The following TLE2 variants were observed in gnomAD, a reference collection of about 807,000 sequenced individuals.
TLE2 encodes transducin-like enhancer protein 2.
In TLE2, 74 loss-of-function variants were observed where a neutral mutation model predicts 97.2. The observed-to-expected ratio is 0.76, with a 90% CI of 0.63 to 0.92. TLE2 has a LOEUF of 0.92. TLE2 is among the 40% of genes least tolerant of loss of function. The pLI, the probability that TLE2 is intolerant of heterozygous loss-of-function variation, is 0.00. For synonymous variants in TLE2, 499 were observed against 432.1 expected, an observed-to-expected ratio of 1.15 and a Z score of -1.92; for missense variants, 1,038 against 1,008.7, an observed-to-expected ratio of 1.03 and a Z score of -0.39.
At position 3,028,360 on chromosome 19, in the gene TLE2, G is replaced by A. The variant is rs2089981200; in HGVS notation, c.145C>T (p.Leu49=). The change falls in exon 3 of 20, where the codon CTG becomes TTG. Residue 49 remains leucine, a synonymous_variant. Coordinates refer to ENST00000262953, the MANE Select transcript of TLE2 (RefSeq NM_003260.5). ...YHSLKLECEK[L]ASEKTEMQRH... ...TGCATTTCCGTCTTCTCGCTGGCCA[G>A]CTTCTCACATTCTAGCTTGAGGCTG... 3.1e-6 allele frequency: 5 copies of A among 1,609,042 alleles called. No individual in the cohort carries two copies. Among genetic ancestry groups the A allele is most frequent in the Non-Finnish European group, 4.2e-6 (5 of 1,177,554 alleles).
intron 18 of TLE2, among the ~76,000 whole-genome samples, chr19:3,001,661 G>A (rs945321606): frequency 4.0e-5 from 6 of 151,862 alleles, no homozygotes; most frequent in Non-Finnish European, 7.4e-5. Flanking sequence ...TTTTTTTGTA[G>A]AGAAAGTCTT....
intron 4 of TLE2, among the ~76,000 whole-genome samples, chr19:3,026,086 T>C (rs2089938263): frequency 6.6e-6 from 1 of 152,068 alleles, no homozygotes; most frequent in African/African-American, 2.4e-5. Context: ...CTCATCCCTT[T>C]AGAAACCACT....
At position 3,005,458 on chromosome 19, in the gene TLE2, C is replaced by T. The variant is rs2089452847; in HGVS notation, c.1875G>A (p.Gln625=). ...GCACCTGGGAGCTGAAGTCATGCTG[C>T]TGCAGCTGGCGGCCCTCCCGCAGGT... ...CWDLREGRQL[Q]QHDFSSQIFS... Residue 625 remains glutamine (Q), a synonymous_variant, in exon 17 of 20, where the codon CAG becomes CAA. Transcript: ENST00000262953. 6.2e-7 allele frequency: 1 copy of T among 1,613,798 alleles called. No homozygotes were observed. Among genetic ancestry groups the T allele is most frequent in the Admixed American group, 1.7e-5 (1 of 59,988 alleles).
chr19:3,030,752 C>CA (rs376304630), upstream of TLE2, among the ~76,000 whole-genome samples: 2,625 of 151,774 alleles, frequency 0.017, 28 homozygotes, highest in Middle Eastern at 0.044. Flanking sequence ...CGCGACAATA[C>CA]AAAAAAACAT....
intron 11 of TLE2, 136 bp from the exon 12 acceptor site, chr19:3,011,296 G>T: frequency 1.0e-6 from 1 of 952,696 alleles, no homozygotes; most frequent in Non-Finnish European, 1.5e-6. Flanking sequence ...GGGAGGCCCA[G>T]TCGGGCGGAT....
intron 11 of TLE2, 80 bp downstream of exon 11, chr19:3,013,589 C>T: frequency 8.0e-7 from 1 of 1,256,452 alleles, no homozygotes. Flanking sequence ...CATCACTGCC[C>T]TCTGCATCAT....
chr19:3,017,917 C>T, intron 7 of TLE2, 58 bp from the exon 8 acceptor site: 2 of 1,565,764 alleles, frequency 1.3e-6, no homozygotes, highest in Non-Finnish European at 1.8e-6. Context: ...GCGTTTGTAT[C>T]CACGGCGCCA....
At chr19:3,006,266 T>C in intron 15 of TLE2, 154 bp downstream of exon 15, 1 of 1,295,754 alleles carries the variant, frequency 7.7e-7, no homozygotes, top group Non-Finnish European at 1.1e-6. Flanking sequence ...CCTGCAAGCC[T>C]TGTCCCATGC....
At chr19:3,033,383 G>A (rs896549498), upstream of TLE2, among the ~76,000 whole-genome samples, 8 of 152,056 alleles carry the variant, frequency 5.3e-5, no homozygotes, top group Non-Finnish European at 8.8e-5. Flanking sequence ...TAGTCAGGAT[G>A]GTCTCAATCT....
intron 11 of TLE2, among the ~76,000 whole-genome samples, chr19:3,011,494 T>C (rs59552044): frequency 8.0e-4 from 116 of 144,906 alleles, no homozygotes; most frequent in African/African-American, 2.7e-3. Flanking sequence ...ATCACGCCAC[T>C]GCACTCCAGC....
Position 3,036,946 on chromosome 19 carries a change from A to G in TLE2, c.64-8143T>C, listed in dbSNP as rs139220911. ...GGCTCAGCCAGGATTTAGCGCCCCC[A>G]TTGGGAAGTTGGGATAGCTTTCTAG... is the stretch of plus-strand genomic sequence containing the variant. On this transcript the variant is annotated intron_variant, in intron 1 of 18. Coordinates refer to the TLE2 transcript ENST00000426948. 9.0e-3 allele frequency among the ~76,000 whole-genome samples: 1,373 copies of G among 152,210 alleles called. 18 individuals carry two copies. Among genetic ancestry groups the G allele is most frequent in the African/African-American group, 0.03 (1,251 of 41,528 alleles).
intron 18 of TLE2, among the ~76,000 whole-genome samples, chr19:3,001,391 AGG>A: frequency 6.6e-6 from 1 of 152,232 alleles, no homozygotes; most frequent in East Asian, 1.9e-4. Flanking sequence ...CTGGGATTAC[AGG>A]TGTGAGCCAC....
At chr19:3,041,014 T>TATATATATATACATATATATATATA (rs55998855) in intron 1 of TLE2, among the ~76,000 whole-genome samples, 1 of 20,168 alleles carries the variant, frequency 5.0e-5, no homozygotes, top group African/African-American at 2.1e-4. Context: ...TATATATATA[T>TATATATATATACATATATATATATA]TTTTTTTTTT....
chr19:3,041,013 A>ATTTTTTTTTTTTTT (rs1168699418), intron 1 of TLE2, among the ~76,000 whole-genome samples: 1 of 28,968 alleles, frequency 3.5e-5, no homozygotes, highest in Non-Finnish European at 5.7e-5. Flanking sequence ...ATATATATAT[A>ATTTTTTTTTTTTTT]TTTTTTTTTT....
At chr19:3,027,999 C>CG in intron 3 of TLE2, 126 bp from the exon 4 acceptor site, 1 of 970,336 alleles carries the variant, frequency 1.0e-6, no homozygotes, top group South Asian at 1.5e-5. Flanking sequence ...CAGAGCCCCC[C>CG]CCAGCTCCAC....
rs2145178704 is a variant in TLE2, at chr19:3,019,184, C to T, written c.550+99G>A. 2.1e-6 allele frequency: 3 copies of T among 1,461,750 alleles called. No individual in the cohort carries two copies. The highest frequency in any genetic ancestry group is 1.8e-6 in the Non-Finnish European group (2 of 1,092,862). 90.5% of individuals were successfully genotyped at this position (1,461,750 alleles called of 1,614,324 possible). ...AATTGTTGGGATTATAGGCATGAGCCACTTCATCCCCTCACGCTGATGTTT... is the reference window on the plus strand; with the variant it reads ...AATTGTTGGGATTATAGGCATGAGCTACTTCATCCCCTCACGCTGATGTTT... On this transcript the variant is annotated intron_variant, in intron 7 of 19. Coordinates refer to ENST00000262953, the MANE Select transcript of TLE2 (RefSeq NM_003260.5). This position sits in a 1 kb window ranked among gnomAD's most constrained non-coding sequence, Gnocchi z 5.1.
rs1286987752 is a variant in TLE2, at chr19:3,028,970, G to A, written c.-66C>T. 4 of 1,581,582 alleles carry A rather than the reference G, an allele frequency of 2.5e-6. No homozygotes were observed. The highest frequency in any genetic ancestry group is 4.5e-5 in the East Asian group (2 of 44,584). On this transcript the variant is annotated 5_prime_UTR_variant, in exon 1 of 20. Transcript: ENST00000262953. ...GATGATATGGAGGCGGCAAGAGTGG[G>A]GGAGGCTGAAGTGGGGTGGTGGGGA... is the stretch of plus-strand genomic sequence containing the variant.
In TLE2 at chr19:2,997,848, T is replaced by G. The variant is rs767035393; in HGVS notation, c.2232A>C (p.Ter744CysextTer63). The G allele has an allele frequency of 6.2e-6, 10 of 1,602,810 alleles. No homozygotes were observed. Among genetic ancestry groups the G allele is most frequent in the Non-Finnish European group, 8.5e-6 (10 of 1,173,676 alleles). Residue 744 changes from the stop codon to cysteine (C), a stop_lost, in exon 20 of 20, where the codon TGA (stop) becomes TGC (cysteine). Transcript: ENST00000262953. ...KKATVYEVVY[*>C] ...CGGGTACAGGAAGGGGGGTCATGTC[T>G]CAGTAGACCACCTCATACACGGTGG... is the stretch of plus-strand genomic sequence containing the variant.
intron 1 of TLE2, among the ~76,000 whole-genome samples, chr19:3,041,009 A>ATTTTTTT (rs2090097410): frequency 2.7e-5 from 1 of 36,808 alleles, no homozygotes; most frequent in Non-Finnish European, 4.7e-5. Flanking sequence ...ATATATATAT[A>ATTTTTTT]TATATTTTTT....
Sources: gnomAD v4.1 joint callset for allele counts (sites outside exome capture counted in the v4.1 genomes callset) on GRCh38, gnomAD v4.1.1 for gene constraint, Gnocchi (gnomAD v3.1) non-coding constraint, MANE v1.5 for transcripts, NCBI Gene and HGNC (gene_info 2026-07-23, HGNC 2026-07-21) for gene names.